The following MESD variants were observed in gnomAD, a reference collection of about 807,000 sequenced individuals.
MESD encodes the protein mesoderm development LRP chaperone, also known as LRP chaperone MESD.
A neutral mutation model predicts 12.9 loss-of-function variants in MESD; 7 were observed. The observed-to-expected ratio is 0.54, with a 90% CI of 0.31 to 1.02. MESD has a LOEUF of 1.02. MESD is among the 50% of genes least tolerant of loss of function. The pLI is 0.05. For synonymous variants in MESD, 126 were observed against 115.6 expected (o/e 1.09, Z -0.58); for missense variants, 342 against 296.7 (o/e 1.15, Z -1.12).
At chr15:80,972,138 A>G (rs1025020230), downstream of MESD, among the ~76,000 whole-genome samples, 4 of 152,276 alleles carry the variant, frequency 2.6e-5, no homozygotes, top group South Asian at 8.3e-4. Flanking sequence ...ACATAGATGG[A>G]TAAGTAGAGA....
At chr15:80,987,085 T>C (rs1170554902) in intron 1 of MESD, among the ~76,000 whole-genome samples, 1 of 152,216 alleles carries the variant, frequency 6.6e-6, no homozygotes, top group East Asian at 1.9e-4. Flanking sequence ...GCTATCATAA[T>C]GTAAAATGTA....
At chr15:80,950,744 T>C (rs1901781798) in intron 4 of MESD, 1 of 152,826 alleles carries the variant, frequency 6.5e-6, no homozygotes, top group Non-Finnish European at 1.5e-5. Flanking sequence ...GCCCACCTTA[T>C]AGAGAGCCCA....
rs190538982 is a variant in MESD at position 80,989,358 on chromosome 15, G to C, written c.213+221C>G. Among the ~76,000 whole-genome samples, 45 of 152,306 alleles carry C rather than the reference G, an allele frequency of 3.0e-4. 1 individual carries two copies. The highest frequency in any genetic ancestry group is 2.7e-3 in the Admixed American group (42 of 15,306). ...GGTTTGAGAAATGGCAGGAGGAACA[G>C]GGCACTGGAATGACAGAGGGCTGGA... On this transcript the variant is annotated intron_variant, in intron 1 of 2. Coordinates refer to ENST00000261758, the MANE Select transcript of MESD (RefSeq NM_015154.3).
At position 80,989,263 on chromosome 15, in the gene MESD, G is replaced by A. The variant is rs144366907; in HGVS notation, c.213+316C>T. ...CACTGACCACAAGAATCAACGCAAA[G>A]ACAACCAGGGCACTGAAGGGTGAAG... On this transcript the variant is annotated intron_variant, in intron 1 of 2. Transcript: ENST00000261758. 4.5e-3 allele frequency among the ~76,000 whole-genome samples: 685 copies of A among 152,302 alleles called. 5 individuals are homozygous for A. The highest frequency in any genetic ancestry group is 0.015 in the African/African-American group (631 of 41,560).
chr15:80,960,548 A>G (rs756775135), intron 3 of MESD, among the ~76,000 whole-genome samples: 53 of 152,340 alleles, frequency 3.5e-4, no homozygotes, highest in Non-Finnish European at 6.6e-4. Context: ...CATCTTTTAA[A>G]TAATTATTTC....
intron 1 of MESD, among the ~76,000 whole-genome samples, chr15:80,983,870 T>A (rs1400152626): frequency 1.4e-5 from 2 of 145,454 alleles, no homozygotes; most frequent in African/African-American, 5.0e-5. Flanking sequence ...AACAAATGAA[T>A]AAATTACTAA....
At chr15:80,975,210 A>G (rs910774771), downstream of MESD, among the ~76,000 whole-genome samples, 46 of 141,184 alleles carry the variant, frequency 3.3e-4, no homozygotes, top group Non-Finnish European at 6.7e-4. Context: ...CATTTCTCCA[A>G]AAAAAAAAAA....
intron 4 of MESD, chr15:80,948,951 G>A (rs1463267016): frequency 1.1e-5 from 17 of 1,613,846 alleles, no homozygotes; most frequent in Middle Eastern, 1.6e-4. Context: ...GTGCCACCTC[G>A]TGGTAGACTA....
chr15:80,948,683 G>A (rs1210537879), exon 5 of MESD: 5 of 1,382,992 alleles, frequency 3.6e-6, no homozygotes, highest in Non-Finnish European at 5.1e-6. Flanking sequence ...AGTGCAGTGT[G>A]GCTAGGCGGT....
rs371392882 is a variant in MESD at position 80,968,106 on chromosome 15, C to T, written c.*288+10825G>A. 1.1e-4 allele frequency among the ~76,000 whole-genome samples: 16 copies of T among 152,354 alleles called. No individual in the cohort carries two copies. In the East Asian group the frequency reaches 2.3e-3, roughly 22 times the overall value. Reference sequence around the variant, plus strand: ...GGTCAAACTGCAGTCTCCTGCAGACCGCTTGGACTCTGGCAGCTCTGCCCC... The same window carrying T: ...GGTCAAACTGCAGTCTCCTGCAGACTGCTTGGACTCTGGCAGCTCTGCCCC... On this transcript the variant is annotated intron_variant, in intron 3 of 4. Coordinates refer to the MESD transcript ENST00000561312.
At chr15:80,952,974 G>A (rs1901878447) in intron 3 of MESD, 1 of 455,932 alleles carries the variant, frequency 2.2e-6, no homozygotes, top group Admixed American at 2.3e-5. Flanking sequence ...CTGAGGGCAG[G>A]GAGTGATCAT....
At chr15:80,986,944 G>A (rs1014104391) in intron 1 of MESD, among the ~76,000 whole-genome samples, 8 of 152,106 alleles carry the variant, frequency 5.3e-5, no homozygotes, top group Non-Finnish European at 1.0e-4. Flanking sequence ...ATCCTACCCG[G>A]TTCCATTTAA....
chr15:80,956,331 C>G (rs1901984972), intron 3 of MESD, among the ~76,000 whole-genome samples: 1 of 152,188 alleles, frequency 6.6e-6, no homozygotes, highest in South Asian at 2.1e-4. Context: ...CGGAAGGCGT[C>G]CAACTGCTCC....
chr15:80,956,952 G>A (rs1902000422), intron 3 of MESD, among the ~76,000 whole-genome samples: 1 of 152,046 alleles, frequency 6.6e-6, no homozygotes, highest in African/African-American at 2.4e-5. Flanking sequence ...GAGTAGCTGG[G>A]ACTACAGGCT....
exon 5 of MESD, chr15:80,947,914 G>A (rs1430751488): frequency 2.6e-5 from 4 of 152,074 alleles, no homozygotes; most frequent in African/African-American, 9.7e-5. Flanking sequence ...TCAAAGCTGG[G>A]CTTCTTAGTT....
intron 3 of MESD, among the ~76,000 whole-genome samples, chr15:80,955,616 C>CGTGTGT (rs536028552): frequency 5.5e-5 from 8 of 144,902 alleles, no homozygotes; most frequent in East Asian, 4.1e-4. Context: ...TGTGTTTGTG[C>CGTGTGT]GTGTGTGTGT....
intron 1 of MESD, among the ~76,000 whole-genome samples, chr15:80,985,171 T>C (rs1318339767): frequency 6.6e-6 from 1 of 152,260 alleles, no homozygotes; most frequent in Non-Finnish European, 1.5e-5. Flanking sequence ...TGATGGTGAC[T>C]TGCAGACAGG....
downstream of MESD, among the ~76,000 whole-genome samples, chr15:80,974,885 TA>T (rs1902372206): frequency 6.6e-6 from 1 of 150,714 alleles, no homozygotes; most frequent in South Asian, 2.1e-4. Flanking sequence ...ATTTTTCAAT[TA>T]AAAAAAGAAT....
At chr15:80,948,538 T>C in exon 5 of MESD, 1 of 527,504 alleles carries the variant, frequency 1.9e-6, no homozygotes, top group Non-Finnish European at 3.5e-6. Context: ...CTGCTGTGCA[T>C]GGCTCCCCTG....
Sources: gnomAD v4.1 joint callset for allele counts (sites outside exome capture counted in the v4.1 genomes callset) on GRCh38, gnomAD v4.1.1 for gene constraint, MANE v1.5 for transcripts, NCBI Gene and HGNC (gene_info 2026-07-23, HGNC 2026-07-21) for gene names.